EPHA4: variants seen among roughly 807,000 people sequenced by gnomAD.
EPHA4 encodes the protein EPH receptor A4.
In EPHA4, 19 loss-of-function variants were observed where a neutral mutation model predicts 108.3. The ratio of observed to expected loss-of-function variants is 0.18; its 90% CI spans 0.12 to 0.26. The LOEUF is 0.26. Among genes scored for constraint, EPHA4 ranks in the 10% least tolerant of loss-of-function variants. EPHA4 has a pLI of 1.00. For synonymous variants in EPHA4, 449 were observed against 455.5 expected, an observed-to-expected ratio of 0.99 and a Z score of 0.18; for missense variants, 917 against 1,254.0, an observed-to-expected ratio of 0.73 and a Z score of 4.06.
At chr2:221,434,494 CTAAG>C (rs112097516) in intron 13 of EPHA4, among the ~76,000 whole-genome samples, 6,104 of 152,246 alleles carry the variant, frequency 0.04, 409 homozygotes, top group African/African-American at 0.14. Flanking sequence ...AGGGAAGTGA[CTAAG>C]TAATCTAATT....
intron 5 of EPHA4, among the ~76,000 whole-genome samples, chr2:221,472,245 G>A (rs796599204): frequency 7.3e-6 from 1 of 136,382 alleles, no homozygotes; most frequent in Non-Finnish European, 1.5e-5. Flanking sequence ...AAACATGAAC[G>A]AAACTGTGCT....
At chr2:221,444,827 G>A (rs1358313157) in intron 9 of EPHA4, among the ~76,000 whole-genome samples, 4 of 127,474 alleles carry the variant, frequency 3.1e-5, no homozygotes, top group South Asian at 5.5e-4. Context: ...GTAGGATCTT[G>A]GTTCACTGCA....
intron 11 of EPHA4, 64 bp from the exon 12 acceptor site, chr2:221,437,186 G>A: frequency 8.0e-7 from 1 of 1,256,684 alleles, no homozygotes; most frequent in Non-Finnish European, 1.2e-6. Context: ...AGATAAAAAT[G>A]GGCTGCGCAC....
intron 3 of EPHA4, among the ~76,000 whole-genome samples, chr2:221,530,844 C>G (rs1017880329): frequency 1.4e-4 from 21 of 152,230 alleles, no homozygotes; most frequent in African/African-American, 4.8e-4. Flanking sequence ...CAGCCCAGAT[C>G]GTACTCCTCC....
In EPHA4 at chr2:221,564,360, G is replaced by A. The variant is rs965238814; in HGVS notation, c.194C>T (p.Thr65Ile). The change falls in exon 3 of 18, where the codon ACA (threonine) becomes ATA (isoleucine). Residue 65 changes from threonine to isoleucine, a missense_variant. Around this residue, in one of 3 missense-constraint regions of EPHA4, gnomAD observed 758 missense variants for 1,076.7 expected, o/e 0.70. Coordinates refer to ENST00000281821, the MANE Select transcript of EPHA4 (RefSeq NM_004438.5). ...EEVSIMDEKN[T>I]PIRTYQVCNV... is the part of the protein sequence containing the mutation. ...GCACACTTGGTAGGTTCGGATTGGT[G>A]TATTTTTTTCATCCATGATACTCAC... 1.2e-6 allele frequency: 2 copies of A among 1,612,698 alleles called. No homozygotes were observed. The highest frequency in any genetic ancestry group is 1.3e-5 in the African/African-American group (1 of 74,856).
intron 3 of EPHA4, among the ~76,000 whole-genome samples, chr2:221,506,101 G>A (rs977710937): frequency 5.9e-5 from 9 of 151,848 alleles, no homozygotes; most frequent in African/African-American, 2.2e-4. Context: ...GAGGCTTATA[G>A]GTCTCTCCAA....
chr2:221,470,572 G>A (rs1691450164), intron 5 of EPHA4, among the ~76,000 whole-genome samples: 1 of 148,304 alleles, frequency 6.7e-6, no homozygotes, highest in Non-Finnish European at 1.5e-5. Context: ...ATCACTTTAG[G>A]GAACCTCTGC....
At chr2:221,436,342 A>C in intron 13 of EPHA4, 57 bp downstream of exon 13, 4 of 1,541,688 alleles carry the variant, frequency 2.6e-6, no homozygotes, top group Non-Finnish European at 3.6e-6. Flanking sequence ...TCTCAAAGTG[A>C]GAAGAGAGGA....
upstream of EPHA4, chr2:221,573,266 G>A (rs1223087468): frequency 1.3e-5 from 2 of 152,230 alleles, no homozygotes; most frequent in South Asian, 2.1e-4. The surrounding 1 kb of genome is among the most constrained non-coding windows in gnomAD (Gnocchi z 4.5). Flanking sequence ...AGCGGCTGCT[G>A]CGACTCTCCG....
rs1559297367 is a variant in EPHA4 at position 221,566,950 on chromosome 2, G to GGAAGAGGAAGA, written c.159+1767_159+1768insTCTTCCTCTTC. Reference sequence around the variant, plus strand: ...GGAGAAGGAGAAGGAGAAGGAGAAGGAGAAGGGGAAGAGGAAGAGGAAGAA... The same window carrying GGAAGAGGAAGA: ...GGAGAAGGAGAAGGAGAAGGAGAAGGGAAGAGGAAGAAGAAGGGGAAGAGGAAGAGGAAGAA... On this transcript the variant is annotated intron_variant, in intron 2 of 17. Coordinates refer to ENST00000281821, the MANE Select transcript of EPHA4 (RefSeq NM_004438.5). Among the ~76,000 whole-genome samples the GGAAGAGGAAGA allele has an allele frequency of 1.4e-3, 10 of 7,116 alleles. 3 individuals carry two copies. Among genetic ancestry groups the GGAAGAGGAAGA allele is most frequent in the East Asian group, 8.5e-3 (2 of 236 alleles). 4.7% of individuals were successfully genotyped at this position (7,116 alleles called of 152,430 possible). A position where few individuals can be genotyped will look rare whatever the true frequency, so the allele number is the denominator to read the frequency against.
intron 3 of EPHA4, among the ~76,000 whole-genome samples, chr2:221,517,388 G>A (rs1693019710): frequency 6.6e-6 from 1 of 152,136 alleles, no homozygotes; most frequent in Non-Finnish European, 1.5e-5. Flanking sequence ...ACTCAGTGAG[G>A]AGTTTAGTTT....
intron 3 of EPHA4, among the ~76,000 whole-genome samples, chr2:221,550,062 T>C (rs944728561): frequency 1.3e-5 from 2 of 152,188 alleles, no homozygotes; most frequent in Admixed American, 1.3e-4. Context: ...CAATGTGTCA[T>C]CTTTGCTGTT....
intron 5 of EPHA4, among the ~76,000 whole-genome samples, chr2:221,476,857 T>A (rs898711283): frequency 6.6e-6 from 1 of 152,208 alleles, no homozygotes; most frequent in African/African-American, 2.4e-5. Flanking sequence ...AAAGACAGTG[T>A]GCCTCTTACA....
intron 1 of EPHA4, among the ~76,000 whole-genome samples, chr2:221,570,483 G>A (rs1000542753): frequency 1.3e-5 from 2 of 152,196 alleles, no homozygotes; most frequent in African/African-American, 4.8e-5. Context: ...GGACCGAGGG[G>A]CGGCGACGGC....
chr2:221,450,968 C>T (rs1408579623), intron 8 of EPHA4, among the ~76,000 whole-genome samples: 2 of 152,138 alleles, frequency 1.3e-5, no homozygotes, highest in Non-Finnish European at 2.9e-5. Flanking sequence ...AATCCCAGCA[C>T]TCTGGGAGGC....
intron 12 of EPHA4, 87 bp from the exon 13 acceptor site, chr2:221,436,695 G>C: frequency 7.5e-7 from 1 of 1,333,862 alleles, no homozygotes. Context: ...ATCTTTTTGG[G>C]TATCTGTATC....
rs561106406 is a variant in EPHA4, at chr2:221,440,577, G to A, written c.2074+2252C>T. On this transcript the variant is annotated intron_variant, in intron 11 of 17. Coordinates refer to ENST00000281821, the MANE Select transcript of EPHA4 (RefSeq NM_004438.5). ...GCTAATTATAGCCTTCACCTTATGC[G>A]GAAAATTATATATCCTTCTCACCAA... Among the ~76,000 whole-genome samples, 10 of 149,804 alleles carry A rather than the reference G, an allele frequency of 6.7e-5. No individual in the cohort carries two copies. The South Asian group carries it at 1.3e-3, about 19-fold the overall frequency.
chr2:221,507,799 TA>T (rs570126320), intron 3 of EPHA4, among the ~76,000 whole-genome samples: 1 of 152,002 alleles, frequency 6.6e-6, no homozygotes, highest in Admixed American at 6.6e-5. Flanking sequence ...ATTAGCTAAC[TA>T]AAAAAAAGTT....
At chr2:221,549,502 G>C (rs1027210355) in intron 3 of EPHA4, among the ~76,000 whole-genome samples, 2 of 152,208 alleles carry the variant, frequency 1.3e-5, no homozygotes, top group Admixed American at 1.3e-4. Context: ...ACAGCTCAGA[G>C]AGGCTGCATC....
Sources: allele counts gnomAD v4.1 joint callset (sites outside exome capture counted in the v4.1 genomes callset), GRCh38; gene constraint gnomAD v4.1.1; regional missense constraint gnomAD v4.1.1; non-coding constraint Gnocchi (gnomAD v3.1); transcripts MANE v1.5; gene names NCBI Gene and HGNC (gene_info 2026-07-23, HGNC 2026-07-21).